Variants in CDH8 observed in about 807,000 individuals in gnomAD.
The protein encoded by CDH8 is cadherin-8.
A neutral mutation model predicts 68.1 loss-of-function variants in CDH8; 17 were observed. The ratio of observed to expected loss-of-function variants is 0.25; its 90% CI spans 0.17 to 0.37. The LOEUF (loss-of-function observed/expected upper bound fraction) is 0.37, where lower values mean the gene tolerates loss of function less well. CDH8 is among the 10% of genes least tolerant of loss of function. The pLI, the probability that CDH8 is intolerant of heterozygous loss-of-function variation, is 1.00. For missense variants in CDH8, 763 were observed against 999.3 expected, an observed-to-expected ratio of 0.76 and a Z score of 3.19; for synonymous variants, 372 against 365.1, an observed-to-expected ratio of 1.02 and a Z score of -0.21.
chr16:61,910,202 A>G (rs1468910816), intron 2 of CDH8, among the ~76,000 whole-genome samples: 3 of 152,164 alleles, frequency 2.0e-5, no homozygotes, highest in African/African-American at 7.2e-5. Flanking sequence ...AGAAAATAAA[A>G]TCACTTAAAT....
intron 8 of CDH8, among the ~76,000 whole-genome samples, chr16:61,771,769 T>C (rs1960785213): frequency 6.6e-6 from 1 of 152,004 alleles, no homozygotes; most frequent in African/African-American, 2.4e-5. Flanking sequence ...TTTTATTGAA[T>C]ACTATAGTTT....
chr16:61,707,264 A>G (rs549491299), intron 10 of CDH8, among the ~76,000 whole-genome samples: 11 of 152,168 alleles, frequency 7.2e-5, no homozygotes, highest in Non-Finnish European at 1.6e-4. Flanking sequence ...ATTATCACCA[A>G]TTTGTCAGTC....
chr16:61,792,437 T>G (rs932949262), intron 7 of CDH8, among the ~76,000 whole-genome samples: 2 of 152,040 alleles, frequency 1.3e-5, no homozygotes, highest in East Asian at 3.9e-4. Flanking sequence ...GTAGACTTTA[T>G]GATAACAGCT....
chr16:61,729,276 A>T (rs1054442389), intron 8 of CDH8, among the ~76,000 whole-genome samples: 1 of 151,058 alleles, frequency 6.6e-6, no homozygotes, highest in Non-Finnish European at 1.5e-5. Flanking sequence ...AAATACATAT[A>T]CATGTGTATT....
chr16:61,764,623 T>G (rs976869817), intron 8 of CDH8, among the ~76,000 whole-genome samples: 51 of 152,196 alleles, frequency 3.4e-4, no homozygotes, highest in African/African-American at 1.0e-3. Flanking sequence ...CATGAGTTAT[T>G]GAAGGATTTA....
intron 3 of CDH8, among the ~76,000 whole-genome samples, chr16:61,884,699 C>T (rs528117669): frequency 2.0e-5 from 3 of 152,184 alleles, no homozygotes; most frequent in South Asian, 2.1e-4. Flanking sequence ...GACAACATTG[C>T]CTTCTATTTA....
At chr16:61,830,573 T>C (rs1184085109) in intron 4 of CDH8, among the ~76,000 whole-genome samples, 2 of 151,748 alleles carry the variant, frequency 1.3e-5, no homozygotes, top group Non-Finnish European at 2.9e-5. Context: ...AAGACATAAA[T>C]TGTGTCTATC....
intron 3 of CDH8, among the ~76,000 whole-genome samples, chr16:61,872,131 T>G (rs184067208): frequency 6.6e-6 from 1 of 152,330 alleles, no homozygotes; most frequent in East Asian, 1.9e-4. Flanking sequence ...GGAAAAGAGC[T>G]AATTGTGAGT....
chr16:61,712,235 A>T (rs1343292773), intron 10 of CDH8, among the ~76,000 whole-genome samples: 1 of 151,670 alleles, frequency 6.6e-6, no homozygotes, highest in Non-Finnish European at 1.5e-5. Flanking sequence ...TCTCCTGTTT[A>T]AAAATATTAA....
rs187040473 is a variant in CDH8, at chr16:61,824,363, T to G, written c.835+649A>C. Among the ~76,000 whole-genome samples the G allele has an allele frequency of 2.8e-3, 432 of 152,008 alleles. 1 individual carries two copies. The highest frequency in any genetic ancestry group is 4.7e-3 in the Non-Finnish European group (317 of 67,880). On this transcript the variant is annotated intron_variant, in intron 5 of 11. Transcript: ENST00000577390. ...TCATGTTTCAATTCAAGAGTCCCCATGTCAGAAAGGCCTTATCAAATCATG... is the reference window on the plus strand; with the variant it reads ...TCATGTTTCAATTCAAGAGTCCCCAGGTCAGAAAGGCCTTATCAAATCATG...
intron 5 of CDH8, among the ~76,000 whole-genome samples, chr16:61,823,244 G>T (rs1414129221): frequency 1.3e-5 from 2 of 151,886 alleles, no homozygotes; most frequent in South Asian, 4.2e-4. Flanking sequence ...TACCTCAAAT[G>T]TGTCATTTTC....
chr16:61,960,882 T>C (rs1965142687), intron 2 of CDH8, among the ~76,000 whole-genome samples: 1 of 152,202 alleles, frequency 6.6e-6, no homozygotes, highest in Non-Finnish European at 1.5e-5. Context: ...CTTGTCTGCA[T>C]TCTCTGAGGA....
chr16:61,733,480 AAT>A (rs1176284427), intron 8 of CDH8, among the ~76,000 whole-genome samples: 1 of 151,934 alleles, frequency 6.6e-6, no homozygotes, highest in Non-Finnish European at 1.5e-5. Flanking sequence ...AAAATAAAAA[AAT>A]ATATTGTGCT....
intron 8 of CDH8, among the ~76,000 whole-genome samples, chr16:61,758,012 G>A (rs901370733): frequency 5.3e-5 from 8 of 152,138 alleles, no homozygotes; most frequent in African/African-American, 1.9e-4. Flanking sequence ...ACTGGTTCTG[G>A]GACCAGGTGG....
intron 2 of CDH8, among the ~76,000 whole-genome samples, chr16:61,998,999 A>G (rs1216760068): frequency 1.3e-5 from 2 of 152,332 alleles, no homozygotes; most frequent in East Asian, 3.9e-4. Flanking sequence ...AGATCAGTTA[A>G]GTACAAGAGT....
intron 3 of CDH8, among the ~76,000 whole-genome samples, chr16:61,898,247 C>T (rs921292517): frequency 6.6e-6 from 1 of 151,550 alleles, no homozygotes; most frequent in East Asian, 2.0e-4. Flanking sequence ...TTGCAGTGAG[C>T]AGAGATGGTG....
At chr16:61,783,561 C>T (rs1421161903) in intron 8 of CDH8, among the ~76,000 whole-genome samples, 3 of 150,828 alleles carry the variant, frequency 2.0e-5, no homozygotes, top group Non-Finnish European at 1.5e-5. Flanking sequence ...GGCAGGCCAA[C>T]GTTCAGATTC....
intron 7 of CDH8, among the ~76,000 whole-genome samples, chr16:61,816,766 GA>G (rs5817313): frequency 0.13 from 18,755 of 147,974 alleles, 1,250 homozygotes; most frequent in Middle Eastern, 0.21. Flanking sequence ...CAGTACAACA[GA>G]AAAAAAAAAT....
chr16:61,675,880 T>A (rs1385246661), intron 10 of CDH8, among the ~76,000 whole-genome samples: 1 of 151,092 alleles, frequency 6.6e-6, no homozygotes, highest in East Asian at 1.9e-4. Context: ...TTTAGACTAA[T>A]GACAATATTA....
Sources: allele counts gnomAD v4.1 joint callset (sites outside exome capture counted in the v4.1 genomes callset), GRCh38; gene constraint gnomAD v4.1.1; transcripts MANE v1.5; gene names NCBI Gene and HGNC (gene_info 2026-07-23, HGNC 2026-07-21).